Variants in ANXA4 observed in about 807,000 individuals in gnomAD.
The protein encoded by ANXA4 is annexin A4, also known as 35-beta calcimedin.
Under a neutral mutation model 49.8 loss-of-function variants are expected in ANXA4, and 39 were observed. The ratio of observed to expected loss-of-function variants is 0.78; its 90% confidence interval spans 0.61 to 1.02. The LOEUF is 1.02. Ranked by LOEUF, ANXA4 falls within the 50% of genes least tolerant of loss-of-function variation. The pLI is 0.00. For missense variants in ANXA4, 360 were observed against 410.1 expected (o/e 0.88, Z 1.05); for synonymous variants, 134 against 152.5 (o/e 0.88, Z 0.89).
intron 2 of ANXA4, among the ~76,000 whole-genome samples, chr2:69,679,909 C>A (rs1249071604): frequency 3.9e-5 from 6 of 152,140 alleles, no homozygotes; most frequent in Non-Finnish European, 1.5e-5. Context: ...ATGCTATAAC[C>A]TTGTAATATA....
chr2:69,805,048 A>G (rs112209857), intron 4 of ANXA4, among the ~76,000 whole-genome samples: 69 of 133,746 alleles, frequency 5.2e-4, no homozygotes, highest in African/African-American at 2.3e-3. Flanking sequence ...CTCCATCTCA[A>G]AAAAAAAAAA....
intron 2 of ANXA4, among the ~76,000 whole-genome samples, chr2:69,683,018 A>G (rs1677652906): frequency 6.6e-6 from 1 of 152,232 alleles, no homozygotes; most frequent in Admixed American, 6.5e-5. Flanking sequence ...TTCTACATGC[A>G]CAAGGATAAT....
intron 1 of ANXA4, among the ~76,000 whole-genome samples, chr2:69,750,831 G>A (rs1479442432): frequency 6.6e-6 from 1 of 152,170 alleles, no homozygotes; most frequent in Non-Finnish European, 1.5e-5. Context: ...CTAGGGCAGG[G>A]GCCTTTGTCA....
chr2:69,692,339 C>T (rs1559083802), intron 2 of ANXA4, among the ~76,000 whole-genome samples: 1 of 152,146 alleles, frequency 6.6e-6, no homozygotes, highest in Admixed American at 6.5e-5. Flanking sequence ...GGGATTTAGG[C>T]CTAGAAGTGT....
At chr2:69,783,494 C>T (rs7598181) in intron 2 of ANXA4, among the ~76,000 whole-genome samples, 14,438 of 152,176 alleles carry the variant, frequency 0.095, 1,317 homozygotes, top group Admixed American at 0.23. Flanking sequence ...GGATTACGGG[C>T]GTGAGCCACC....
intron 2 of ANXA4, among the ~76,000 whole-genome samples, chr2:69,707,854 C>A (rs984439301): frequency 1.3e-5 from 2 of 152,136 alleles, no homozygotes; most frequent in African/African-American, 4.8e-5. Flanking sequence ...ACCCATTAAC[C>A]ATCCCCACTA....
At chr2:69,760,955 A>G (rs1671258120) in intron 1 of ANXA4, among the ~76,000 whole-genome samples, 1 of 152,054 alleles carries the variant, frequency 6.6e-6, no homozygotes, top group Admixed American at 6.6e-5. Context: ...TGAGCTCAGG[A>G]GTTCAAGGTC....
intron 3 of ANXA4, among the ~76,000 whole-genome samples, chr2:69,732,829 G>A (rs1383403384): frequency 6.6e-6 from 1 of 152,170 alleles, no homozygotes; most frequent in African/African-American, 2.4e-5. Flanking sequence ...GCTGATCGAA[G>A]TCATGTTGCT....
chr2:69,682,126 A>G (rs778107206), intron 2 of ANXA4, among the ~76,000 whole-genome samples: 2 of 152,190 alleles, frequency 1.3e-5, no homozygotes, highest in African/African-American at 4.8e-5. Context: ...TGCTGGGACT[A>G]CAGGAGTGAG....
chr2:69,785,886 G>C (rs1672394072), intron 2 of ANXA4, among the ~76,000 whole-genome samples: 2 of 152,032 alleles, frequency 1.3e-5, no homozygotes, highest in African/African-American at 4.8e-5. Context: ...TCCTTTCTGG[G>C]CTCTCCCCTT....
chr2:69,666,813 A>C (rs922173619), intron 2 of ANXA4, among the ~76,000 whole-genome samples: 5 of 152,226 alleles, frequency 3.3e-5, no homozygotes, highest in African/African-American at 1.2e-4. Context: ...TGGGAGGCCA[A>C]GGTGGGAGGA....
chr2:69,681,582 T>C (rs1487738085), intron 2 of ANXA4, among the ~76,000 whole-genome samples: 1 of 152,118 alleles, frequency 6.6e-6, no homozygotes, highest in African/African-American at 2.4e-5. Context: ...TCCACCTGCC[T>C]GGGCCTTCCA....
chr2:69,671,557 A>C (rs1271576335), intron 2 of ANXA4, among the ~76,000 whole-genome samples: 1 of 152,170 alleles, frequency 6.6e-6, no homozygotes, highest in Non-Finnish European at 1.5e-5. Flanking sequence ...TCTCTACTAA[A>C]AATACAAAAA....
intron 2 of ANXA4, among the ~76,000 whole-genome samples, chr2:69,718,784 T>C (rs1250976655): frequency 1.3e-5 from 2 of 150,272 alleles, no homozygotes; most frequent in East Asian, 1.9e-4. Flanking sequence ...TTCACACACA[T>C]GCATACACAT....
intron 2 of ANXA4, among the ~76,000 whole-genome samples, chr2:69,704,821 A>G (rs958841685): frequency 3.9e-5 from 6 of 152,058 alleles, no homozygotes; most frequent in South Asian, 2.1e-4. Flanking sequence ...TGTTTTTGCA[A>G]TCTCCCCCAG....
At chr2:69,645,454 G>T (rs894584533) in intron 1 of ANXA4, among the ~76,000 whole-genome samples, 8 of 152,194 alleles carry the variant, frequency 5.3e-5, no homozygotes, top group African/African-American at 1.9e-4. Context: ...AGATGAGAAA[G>T]CTCATTTGGA....
chr2:69,756,209 C>T (rs1027569405), intron 1 of ANXA4, among the ~76,000 whole-genome samples: 1 of 152,202 alleles, frequency 6.6e-6, no homozygotes, highest in African/African-American at 2.4e-5. Context: ...ACACCAGTCA[C>T]TTGGAAGCTA....
chr2:69,783,576 C>A (rs1374386502), intron 2 of ANXA4, among the ~76,000 whole-genome samples: 1 of 152,146 alleles, frequency 6.6e-6, no homozygotes, highest in Non-Finnish European at 1.5e-5. Context: ...TCATTGTATT[C>A]AAGATTTTAA....
rs1165028087 is a variant in ANXA4, at chr2:69,810,598, T to C, written c.402T>C (p.Tyr134=). The C allele has an allele frequency of 6.2e-6, 10 of 1,613,846 alleles. No homozygotes were observed. The highest frequency in any genetic ancestry group is 8.5e-6 in the Non-Finnish European group (10 of 1,179,850). ...RRISQTYQQQ[Y]GRSLEDDIRS... is the part of the protein sequence containing the mutation. ...CTAATTTCACTCTCTTGCTAGAATA[T>C]GGACGGAGCCTTGAAGATGACATTC... is the stretch of plus-strand genomic sequence containing the variant. The change falls in exon 7 of 13, where the codon TAT becomes TAC. Residue 134 remains tyrosine, a synonymous_variant. Transcript: ENST00000394295.
Sources: allele counts gnomAD v4.1 joint callset (sites outside exome capture counted in the v4.1 genomes callset), GRCh38; gene constraint gnomAD v4.1.1; transcripts MANE v1.5; gene names NCBI Gene and HGNC (gene_info 2026-07-23, HGNC 2026-07-21).